The following YPEL2 variants were observed in gnomAD, a reference collection of about 807,000 sequenced individuals.
The protein encoded by YPEL2 is protein yippee-like 2.
Under a neutral mutation model 19.1 loss-of-function variants are expected in YPEL2, and 2 were observed. The observed-to-expected ratio is 0.10, with a 90% confidence interval of 0.04 to 0.33. The LOEUF (loss-of-function observed/expected upper bound fraction) is 0.33, where lower values mean the gene tolerates loss of function less well. Ranked by LOEUF, YPEL2 falls within the 10% of genes least tolerant of loss-of-function variation. YPEL2 has a pLI of 1.00. For synonymous variants in YPEL2, 52 were observed against 50.0 expected, an observed-to-expected ratio of 1.04 and a Z score of -0.17; for missense variants, 66 against 140.7, an observed-to-expected ratio of 0.47 and a Z score of 2.68.
intron 1 of YPEL2, among the ~76,000 whole-genome samples, chr17:59,346,704 T>C (rs970750180): frequency 3.3e-5 from 5 of 152,028 alleles, no homozygotes; most frequent in African/African-American, 1.2e-4. Context: ...CTACCTCTAG[T>C]AGAGGATACA....
intron 2 of YPEL2, among the ~76,000 whole-genome samples, chr17:59,368,020 A>G (rs2147947045): frequency 6.6e-6 from 1 of 152,284 alleles, no homozygotes; most frequent in South Asian, 2.1e-4. Flanking sequence ...CACCCTGCAT[A>G]TATTAAATCC....
In YPEL2 at chr17:59,398,640, T is replaced by G. The variant is rs534828539; in HGVS notation, c.*1450T>G. ...ACTGTGAAGTCTGTTCTACAGCAAT[T>G]CAGCCATTACACAGTATATGACTGA... On this transcript the variant is annotated 3_prime_UTR_variant, in exon 5 of 5. Transcript: ENST00000312655. The G allele has an allele frequency of 1.3e-5, 2 of 152,326 alleles. No homozygotes were observed. The highest frequency in any genetic ancestry group is 3.9e-4 in the East Asian group (2 of 5,188). The allele number at this position is 152,326 out of a possible 1,614,324, so 9.4% of individuals were successfully genotyped here.
At chr17:59,337,750 A>C (rs1415857253) in intron 1 of YPEL2, among the ~76,000 whole-genome samples, 4 of 152,180 alleles carry the variant, frequency 2.6e-5, no homozygotes, top group Non-Finnish European at 1.5e-5. Flanking sequence ...AATTAGGTAT[A>C]TACTGGGTTG....
intron 4 of YPEL2, among the ~76,000 whole-genome samples, chr17:59,396,007 G>C (rs1480226677): frequency 2.0e-5 from 3 of 152,136 alleles, no homozygotes; most frequent in African/African-American, 7.2e-5. Context: ...CTTGAACCCG[G>C]GAGACGGAGC....
chr17:59,394,573 T>C (rs563691829), intron 4 of YPEL2, among the ~76,000 whole-genome samples: 72 of 130,652 alleles, frequency 5.5e-4, no homozygotes, highest in Admixed American at 2.9e-3. Flanking sequence ...GATGGGATGG[T>C]GGCTGGGCAG....
chr17:59,383,479 TC>T (rs1472504128), intron 2 of YPEL2, among the ~76,000 whole-genome samples: 6 of 143,324 alleles, frequency 4.2e-5, no homozygotes, highest in Non-Finnish European at 6.0e-5. Context: ...GTGCCTGTAG[TC>T]CCAGCTACTC....
chr17:59,349,586 A>G (rs576897125), intron 1 of YPEL2, among the ~76,000 whole-genome samples: 6 of 151,548 alleles, frequency 4.0e-5, no homozygotes, highest in Non-Finnish European at 8.8e-5. Context: ...ACCTCAAGTG[A>G]TCTGCCTTGG....
chr17:59,334,571 A>AACACACACACACACACACACAC (rs35386954), intron 1 of YPEL2, among the ~76,000 whole-genome samples: 4 of 145,228 alleles, frequency 2.8e-5, no homozygotes, highest in African/African-American at 1.0e-4. Context: ...TTCAGGCACA[A>AACACACACACACACACACACAC]ACACACACAC....
chr17:59,377,495 T>C (rs915191761), intron 2 of YPEL2, among the ~76,000 whole-genome samples: 1 of 152,168 alleles, frequency 6.6e-6, no homozygotes, highest in African/African-American at 2.4e-5. Flanking sequence ...CTGTAGAGGA[T>C]GGGGATATCT....
At chr17:59,382,048 T>C (rs2047952104) in intron 2 of YPEL2, among the ~76,000 whole-genome samples, 1 of 152,220 alleles carries the variant, frequency 6.6e-6, no homozygotes, top group African/African-American at 2.4e-5. Flanking sequence ...ATGCCTGTTG[T>C]TCTCCATGGC....
intron 2 of YPEL2, among the ~76,000 whole-genome samples, chr17:59,361,379 C>G (rs2047840111): frequency 6.6e-6 from 1 of 152,082 alleles, no homozygotes; most frequent in Non-Finnish European, 1.5e-5. Flanking sequence ...AACTTTTATC[C>G]TAGTTTGGGA....
intron 2 of YPEL2, among the ~76,000 whole-genome samples, chr17:59,376,603 C>G (rs1353551353): frequency 3.9e-5 from 6 of 152,144 alleles, no homozygotes; most frequent in Non-Finnish European, 7.3e-5. Flanking sequence ...TTATACCCAC[C>G]TGGTTTTCGT....
chr17:59,375,424 T>C (rs2047915666), intron 2 of YPEL2, among the ~76,000 whole-genome samples: 1 of 152,178 alleles, frequency 6.6e-6, no homozygotes, highest in Non-Finnish European at 1.5e-5. Context: ...AAGAAGGGAT[T>C]TAGAGTTTCT....
intron 2 of YPEL2, among the ~76,000 whole-genome samples, chr17:59,378,340 T>C (rs1003775240): frequency 8.7e-5 from 10 of 114,872 alleles, no homozygotes; most frequent in African/African-American, 3.8e-4. Flanking sequence ...AGTCCCAGAG[T>C]CTCCTCCTTT....
chr17:59,388,525 T>C (rs1365346459), intron 3 of YPEL2, among the ~76,000 whole-genome samples, 155 bp downstream of exon 3: 2 of 152,148 alleles, frequency 1.3e-5, no homozygotes, highest in Non-Finnish European at 2.9e-5. Flanking sequence ...TCAGTTACCT[T>C]TGGGGAACAT....
At chr17:59,385,754 CAA>C (rs927200749) in intron 2 of YPEL2, among the ~76,000 whole-genome samples, 21 of 152,136 alleles carry the variant, frequency 1.4e-4, no homozygotes, top group African/African-American at 4.6e-4. Context: ...ATACAGATAT[CAA>C]AACTCATCCA....
chr17:59,358,572 C>T (rs955519741), intron 2 of YPEL2, among the ~76,000 whole-genome samples: 9 of 151,810 alleles, frequency 5.9e-5, no homozygotes, highest in Middle Eastern at 3.2e-3. Context: ...TCAGTTCCCA[C>T]GGCTCATCAG....
intron 2 of YPEL2, among the ~76,000 whole-genome samples, chr17:59,378,383 C>T (rs1194841355): frequency 6.7e-6 from 1 of 149,884 alleles, no homozygotes; most frequent in Non-Finnish European, 1.5e-5. Context: ...CTCACTCTGT[C>T]ACCCAGGTTG....
chr17:59,339,559 G>A (rs4968325), intron 1 of YPEL2, among the ~76,000 whole-genome samples: 1,690 of 152,224 alleles, frequency 0.011, 71 homozygotes, highest in Admixed American at 0.07. Flanking sequence ...AGAACTTGAC[G>A]TCTTCATTTT....
Sources: gnomAD v4.1 joint callset for allele counts (sites outside exome capture counted in the v4.1 genomes callset) on GRCh38, gnomAD v4.1.1 for gene constraint, MANE v1.5 for transcripts, NCBI Gene and HGNC (gene_info 2026-07-23, HGNC 2026-07-21) for gene names.